BCKDHB: variants seen among roughly 807,000 people sequenced by gnomAD.
BCKDHB encodes the protein branched chain keto acid dehydrogenase E1 subunit beta, also known as 2-oxoisovalerate dehydrogenase subunit beta, mitochondrial.
A neutral mutation model predicts 48.5 loss-of-function variants in BCKDHB; 41 were observed. That is an observed-to-expected ratio of 0.85 (90% CI 0.66 to 1.10). The LOEUF (loss-of-function observed/expected upper bound fraction) is 1.10, where lower values mean the gene tolerates loss of function less well. Ranked by LOEUF, BCKDHB falls within the 50% of genes least tolerant of loss-of-function variation. The pLI is 0.00. For missense variants in BCKDHB, 496 were observed against 494.2 expected (o/e 1.00, Z -0.03); for synonymous variants, 201 against 174.8 (o/e 1.15, Z -1.18).
chr6:80,293,743 C>A (rs1767068048), intron 9 of BCKDHB, among the ~76,000 whole-genome samples: 1 of 152,172 alleles, frequency 6.6e-6, no homozygotes, highest in Admixed American at 6.5e-5. Context: ...AAACTGAATG[C>A]TTTTAACAGC....
the BCKDHB span, among the ~76,000 whole-genome samples, chr6:80,433,797 T>C: frequency 6.6e-6 from 1 of 152,262 alleles, no homozygotes; most frequent in Non-Finnish European, 1.5e-5. Context: ...TTTTCAGTAC[T>C]TTGTGTGTGA....
chr6:80,262,975 T>G (rs1270583405), intron 8 of BCKDHB, among the ~76,000 whole-genome samples: 3 of 152,192 alleles, frequency 2.0e-5, no homozygotes, highest in African/African-American at 7.2e-5. Flanking sequence ...ATTGTTGATA[T>G]TTTTGTGCAT....
chr6:80,194,247 A>C (rs2127810898), intron 6 of BCKDHB, among the ~76,000 whole-genome samples: 1 of 152,288 alleles, frequency 6.6e-6, no homozygotes, highest in East Asian at 1.9e-4. Flanking sequence ...ATTTTGTTAA[A>C]ATTTTTATTT....
chr6:80,385,358 G>T, the BCKDHB span, among the ~76,000 whole-genome samples: 17 of 152,338 alleles, frequency 1.1e-4, no homozygotes, highest in East Asian at 3.3e-3. Context: ...GCCTCACCAG[G>T]TGTCTACTGT....
the BCKDHB span, among the ~76,000 whole-genome samples, chr6:80,372,845 G>A: frequency 4.6e-5 from 7 of 152,146 alleles, no homozygotes; most frequent in Non-Finnish European, 1.0e-4. Context: ...GTTGGATTCA[G>A]TTAGCTAGTA....
intron 1 of BCKDHB, among the ~76,000 whole-genome samples, chr6:80,124,246 C>T (rs143742408): frequency 3.6e-4 from 55 of 152,134 alleles, no homozygotes; most frequent in Middle Eastern, 3.4e-3. Context: ...GATTGCACTG[C>T]GGTTTGAGAG....
chr6:80,147,393 T>A (rs900247811), intron 3 of BCKDHB, among the ~76,000 whole-genome samples: 4 of 152,176 alleles, frequency 2.6e-5, no homozygotes, highest in Admixed American at 1.3e-4. Context: ...TATAAGGAGT[T>A]ATTGCTATTT....
the BCKDHB span, among the ~76,000 whole-genome samples, chr6:80,409,307 T>C: frequency 6.6e-6 from 1 of 151,890 alleles, no homozygotes; most frequent in Admixed American, 6.6e-5. Context: ...AATTATGTGG[T>C]CAATTTTAGA....
At chr6:80,335,329 G>C (rs1226816570) in intron 9 of BCKDHB, among the ~76,000 whole-genome samples, 7 of 151,558 alleles carry the variant, frequency 4.6e-5, no homozygotes, top group Non-Finnish European at 7.4e-5. Context: ...AAGCAAATCA[G>C]AAATCCTACC....
intron 9 of BCKDHB, among the ~76,000 whole-genome samples, chr6:80,293,966 A>G (rs1011651018): frequency 2.0e-5 from 3 of 152,222 alleles, no homozygotes; most frequent in Admixed American, 6.5e-5. Flanking sequence ...TATTGTCCAT[A>G]TCACTATCCG....
At chr6:80,397,338 T>G in the BCKDHB span, among the ~76,000 whole-genome samples, 9 of 152,218 alleles carry the variant, frequency 5.9e-5, no homozygotes, top group Non-Finnish European at 1.3e-4. Flanking sequence ...TGATATCTTT[T>G]GTCTACTCAT....
chr6:80,329,124 A>G (rs1769194568), intron 9 of BCKDHB, among the ~76,000 whole-genome samples: 1 of 152,192 alleles, frequency 6.6e-6, no homozygotes, highest in Admixed American at 6.5e-5. Context: ...AAATACTTGA[A>G]TAGTAGCCAA....
At chr6:80,388,967 A>G in the BCKDHB span, among the ~76,000 whole-genome samples, 43,273 of 152,094 alleles carry the variant, frequency 0.28, 7,608 homozygotes, top group East Asian at 0.54. Context: ...CATGGGCTGT[A>G]GCCAATGGTT....
At chr6:80,378,101 A>G in the BCKDHB span, among the ~76,000 whole-genome samples, 1 of 152,046 alleles carries the variant, frequency 6.6e-6, no homozygotes. Flanking sequence ...TGTTTTTTAC[A>G]TTTTTATTTT....
the BCKDHB span, among the ~76,000 whole-genome samples, chr6:80,376,879 A>G: frequency 1.5e-3 from 227 of 152,218 alleles, no homozygotes; most frequent in African/African-American, 4.5e-3. Context: ...TCTTTTGTCT[A>G]TTTTTAATTG....
intron 1 of BCKDHB, among the ~76,000 whole-genome samples, chr6:80,116,779 G>T (rs768533383): frequency 1.3e-5 from 2 of 152,210 alleles, no homozygotes; most frequent in African/African-American, 2.4e-5. Context: ...GTTTTAAAAT[G>T]TAGCAGTCAT....
At chr6:80,308,595 TTC>T (rs1185017075) in intron 9 of BCKDHB, among the ~76,000 whole-genome samples, 27 of 119,606 alleles carry the variant, frequency 2.3e-4, no homozygotes, top group South Asian at 5.4e-4. Flanking sequence ...CTTCTTCTTC[TTC>T]TTTTTTTTTT....
At chr6:80,169,930 A>C in intron 5 of BCKDHB, 1 of 1,513,756 alleles carries the variant, frequency 6.6e-7, no homozygotes, top group South Asian at 1.4e-5. Flanking sequence ...GCTTGAGCTA[A>C]ACATTAATTC....
intron 8 of BCKDHB, among the ~76,000 whole-genome samples, chr6:80,272,918 G>T (rs1199647116): frequency 1.3e-5 from 2 of 151,770 alleles, no homozygotes; most frequent in Non-Finnish European, 2.9e-5. Flanking sequence ...CTTTTCTACT[G>T]GGATTACAAA....
Sources: allele counts gnomAD v4.1 joint callset (sites outside exome capture counted in the v4.1 genomes callset), GRCh38; gene constraint gnomAD v4.1.1; transcripts MANE v1.5; gene names NCBI Gene and HGNC (gene_info 2026-07-23, HGNC 2026-07-21).